The following GPT2 variants were observed in gnomAD, a reference collection of about 807,000 sequenced individuals.
GPT2 encodes the protein alanine aminotransferase 2.
In GPT2, 30 loss-of-function variants were observed where a neutral mutation model predicts 56.9. The ratio of observed to expected loss-of-function variants is 0.53; its 90% confidence interval spans 0.39 to 0.72. GPT2 has a LOEUF of 0.72. GPT2 is among the 30% of genes least tolerant of loss of function. The pLI, the probability that GPT2 is intolerant of heterozygous loss-of-function variation, is 0.00. For missense variants in GPT2, 542 were observed against 703.4 expected, an observed-to-expected ratio of 0.77 and a Z score of 2.60; for synonymous variants, 271 against 283.1, an observed-to-expected ratio of 0.96 and a Z score of 0.43.
intron 7 of GPT2, among the ~76,000 whole-genome samples, chr16:46,918,288 CT>C (rs2143526255): frequency 6.6e-6 from 1 of 152,268 alleles, no homozygotes; most frequent in African/African-American, 2.4e-5. Flanking sequence ...AAGCACCGTG[CT>C]TTAGGAGGAG....
At chr16:46,888,085 G>A (rs1960519677) in intron 2 of GPT2, among the ~76,000 whole-genome samples, 1 of 152,224 alleles carries the variant, frequency 6.6e-6, no homozygotes, top group Non-Finnish European at 1.5e-5. Context: ...TTTATTGGGG[G>A]ATGGGGGTTG....
intron 2 of GPT2, among the ~76,000 whole-genome samples, chr16:46,893,690 C>T (rs1397422108): frequency 6.6e-6 from 1 of 152,156 alleles, no homozygotes; most frequent in Non-Finnish European, 1.5e-5. Context: ...CTCCCCTGAT[C>T]CCTGCTTGAG....
rs113649295 is a variant in GPT2, at chr16:46,909,700, T to C, written c.593T>C (p.Leu198Pro). 1 of 1,613,640 alleles carries C rather than the reference T, an allele frequency of 6.2e-7. No homozygotes were observed. The highest frequency in any genetic ancestry group is 8.5e-7 in the Non-Finnish European group (1 of 1,179,688). Residue 198 changes from leucine to proline, a missense_variant, in exon 6 of 12, where the codon CTC (leucine) becomes CCC (proline). By Grantham distance (98) the Leu-to-Pro change is moderately conservative. Coordinates refer to ENST00000340124, the MANE Select transcript of GPT2 (RefSeq NM_133443.4). The part of the protein sequence containing the change: ...SDGISTILKI[L>P]VSGGGKSRTG... ...CTGTTGCAGACGATCCTGAAGATCC[T>C]CGTCTCCGGGGGCGGCAAGTCACGG...
intron 5 of GPT2, among the ~76,000 whole-genome samples, chr16:46,908,394 G>T (rs1191920258): frequency 1.3e-5 from 2 of 152,108 alleles, no homozygotes; most frequent in African/African-American, 4.8e-5. Context: ...GGGGTGGGGG[G>T]ACTGGTTGCC....
At chr16:46,909,651 G>A (rs750187296) in intron 5 of GPT2, 33 bp from the exon 6 acceptor site, 1 of 1,602,348 alleles carries the variant, frequency 6.2e-7, no homozygotes. Flanking sequence ...GGGAAGTAGT[G>A]CTGGCTTTCT....
At chr16:46,885,561 TG>T in intron 2 of GPT2, 1 of 985,054 alleles carries the variant, frequency 1.0e-6, no homozygotes, top group Non-Finnish European at 1.2e-6. Flanking sequence ...TTCTGTGGTC[TG>T]GGGACAGTCA....
At chr16:46,898,362 C>G (rs1014386262) in intron 3 of GPT2, among the ~76,000 whole-genome samples, 1 of 152,086 alleles carries the variant, frequency 6.6e-6, no homozygotes, top group African/African-American at 2.4e-5. Context: ...AAGGCGGCTT[C>G]CATGTTTCAG....
chr16:46,901,353 C>G (rs1960813636), intron 4 of GPT2, among the ~76,000 whole-genome samples: 1 of 152,182 alleles, frequency 6.6e-6, no homozygotes, highest in South Asian at 2.1e-4. Flanking sequence ...GGACCCATGC[C>G]CCAATGTCTG....
At chr16:46,900,847 G>T in intron 4 of GPT2, 57 bp downstream of exon 4, 4 of 1,463,230 alleles carry the variant, frequency 2.7e-6, no homozygotes, top group Non-Finnish European at 3.8e-6. Context: ...TTCCCAGGCG[G>T]CCCCAGCCTC....
chr16:46,891,631 G>A (rs2143349043), intron 2 of GPT2, among the ~76,000 whole-genome samples: 1 of 152,082 alleles, frequency 6.6e-6, no homozygotes, highest in East Asian at 1.9e-4. Flanking sequence ...TTACAGGTGT[G>A]AGCCACCGCG....
At chr16:46,893,883 G>A (rs1346597852) in intron 2 of GPT2, among the ~76,000 whole-genome samples, 2 of 152,184 alleles carry the variant, frequency 1.3e-5, no homozygotes, top group African/African-American at 2.4e-5. Context: ...CTGAGGGCAG[G>A]GCAGGGGCGA....
rs751456286 is a variant in GPT2, at chr16:46,884,760, G to A, written c.45G>A (p.Arg15=). The A allele has an allele frequency of 2.1e-6, 3 of 1,456,172 alleles. No individual in the cohort carries two copies. The East Asian group carries it at 8.2e-5, about 40-fold the overall frequency. 90.2% of individuals were successfully genotyped at this position (1,456,172 alleles called of 1,614,324 possible). A position where few individuals can be genotyped will look rare whatever the true frequency, so the allele number is the denominator to read the frequency against. ...TGGTCCGGCGGGGCTGTGGTCCCCG[G>A]ACCCCCAGCTCCTGGGGCCGCAGCC... ...AALVRRGCGP[R]TPSSWGRSQS... Residue 15 remains arginine, a synonymous_variant, in exon 2 of 12, where the codon CGG becomes CGA. Transcript: ENST00000340124.
chr16:46,905,288 A>G (rs905536813), intron 4 of GPT2, among the ~76,000 whole-genome samples: 1 of 151,890 alleles, frequency 6.6e-6, no homozygotes, highest in Non-Finnish European at 1.5e-5. Context: ...ACCTCAGGTG[A>G]TCTGCCTGCC....
At chr16:46,913,098 A>G (rs1233808617) in intron 6 of GPT2, among the ~76,000 whole-genome samples, 1 of 152,068 alleles carries the variant, frequency 6.6e-6, no homozygotes, top group Non-Finnish European at 1.5e-5. Context: ...CTCCTGCGCC[A>G]CTGTTCATGC....
chr16:46,903,258 GA>G (rs1351112619), intron 4 of GPT2, among the ~76,000 whole-genome samples: 2 of 150,768 alleles, frequency 1.3e-5, no homozygotes, highest in Admixed American at 6.6e-5. Context: ...CCCTCCAAAA[GA>G]AAAAAATATA....
At chr16:46,888,799 A>G (rs1026959081) in intron 2 of GPT2, among the ~76,000 whole-genome samples, 1 of 151,224 alleles carries the variant, frequency 6.6e-6, no homozygotes, top group Admixed American at 6.6e-5. Context: ...ACAGGTGTGC[A>G]CCACCATGCC....
intron 1 of GPT2, 45 bp downstream of exon 1, chr16:46,884,512 T>G: frequency 1.7e-5 from 8 of 482,142 alleles, no homozygotes; most frequent in Non-Finnish European, 2.6e-5. Context: ...CGAAAGCCGG[T>G]TGGGTGTGCG....
chr16:46,923,682 T>A (rs747843070), intron 9 of GPT2, among the ~76,000 whole-genome samples: 13 of 152,208 alleles, frequency 8.5e-5, no homozygotes, highest in Non-Finnish European at 1.9e-4. Context: ...GGACGGTGAC[T>A]GTGCTCCAGC....
intron 10 of GPT2, among the ~76,000 whole-genome samples, chr16:46,926,637 G>A (rs1961419243): frequency 6.6e-6 from 1 of 152,236 alleles, no homozygotes; most frequent in African/African-American, 2.4e-5. Flanking sequence ...CCTGCAGGAA[G>A]CCACTGCTGA....
Sources: allele counts gnomAD v4.1 joint callset (sites outside exome capture counted in the v4.1 genomes callset), GRCh38; gene constraint gnomAD v4.1.1; transcripts MANE v1.5; gene names NCBI Gene and HGNC (gene_info 2026-07-23, HGNC 2026-07-21).